PDE7B: variants seen among roughly 807,000 people sequenced by gnomAD.
PDE7B encodes 3',5'-cyclic-AMP phosphodiesterase 7B.
Under a neutral mutation model 56.2 loss-of-function variants are expected in PDE7B, and 29 were observed. That is an observed-to-expected ratio of 0.52 (90% CI 0.38 to 0.70). The LOEUF (loss-of-function observed/expected upper bound fraction) is 0.70. Among genes scored for constraint, PDE7B ranks in the 30% least tolerant of loss-of-function variants. PDE7B has a pLI of 0.00. For synonymous variants in PDE7B, 197 were observed against 196.9 expected (o/e 1.00, Z 0.00); for missense variants, 490 against 565.0 (o/e 0.87, Z 1.35).
chr6:135,945,055 A>G (rs923276694), intron 1 of PDE7B, among the ~76,000 whole-genome samples: 2 of 139,980 alleles, frequency 1.4e-5, no homozygotes, highest in Admixed American at 1.6e-4. Flanking sequence ...ATTTAAAAAT[A>G]TTAACACTTT....
intron 1 of PDE7B, among the ~76,000 whole-genome samples, chr6:135,928,469 TTATATATATATATTTATTTA>T (rs1774233143): frequency 1.2e-5 from 1 of 81,738 alleles, no homozygotes; most frequent in Non-Finnish European, 2.5e-5. Flanking sequence ...ATATATTTAT[TTATATATATATATTTATTTA>T]TATATATATA....
intron 2 of PDE7B, among the ~76,000 whole-genome samples, chr6:136,088,859 C>T (rs1210660859): frequency 1.3e-5 from 2 of 151,630 alleles, no homozygotes; most frequent in Admixed American, 6.6e-5. Flanking sequence ...ATAAAGCTGT[C>T]ATTTTAAAAT....
chr6:135,912,650 A>G (rs1178565634), intron 1 of PDE7B, among the ~76,000 whole-genome samples: 1 of 152,168 alleles, frequency 6.6e-6, no homozygotes, highest in Non-Finnish European at 1.5e-5. Context: ...GACATTCCAG[A>G]AAAGGAAAAT....
chr6:136,106,599 T>C (rs1291489717), intron 2 of PDE7B, among the ~76,000 whole-genome samples: 1 of 152,224 alleles, frequency 6.6e-6, no homozygotes, highest in African/African-American at 2.4e-5. Context: ...ACAGAGCGAA[T>C]AGTAGTCCTT....
rs186953576 is a variant in PDE7B at position 135,967,580 on chromosome 6, A to G, written c.82+20056A>G. ...GACCTTGGATCAGGCACAACAACCTATCTGCTCTCAGGCACCAAAAGCAGA... is the reference window on the plus strand; with the variant it reads ...GACCTTGGATCAGGCACAACAACCTGTCTGCTCTCAGGCACCAAAAGCAGA... On this transcript the variant is annotated intron_variant, in intron 2 of 12. Transcript: ENST00000308191. Among the ~76,000 whole-genome samples the G allele has an allele frequency of 8.5e-5, 13 of 152,274 alleles. No homozygotes were observed. The South Asian group carries it at 2.5e-3, about 29-fold the overall frequency.
At chr6:136,110,712 ATTT>A (rs10708902) in intron 3 of PDE7B, among the ~76,000 whole-genome samples, 143 of 126,806 alleles carry the variant, frequency 1.1e-3, no homozygotes, top group African/African-American at 3.7e-3. Context: ...ATTCTGCAAC[ATTT>A]TTTTTTTTTT....
At chr6:135,963,567 C>T (rs939323137) in intron 2 of PDE7B, among the ~76,000 whole-genome samples, 3 of 152,110 alleles carry the variant, frequency 2.0e-5, no homozygotes, top group Admixed American at 6.5e-5. Context: ...GTGTATAGAA[C>T]CTTAAGTGGT....
intron 2 of PDE7B, among the ~76,000 whole-genome samples, chr6:136,068,957 T>C (rs554260210): frequency 6.6e-6 from 1 of 152,332 alleles, no homozygotes; most frequent in South Asian, 2.1e-4. Context: ...TAGTATCTTA[T>C]TGCGACAAAG....
At chr6:135,880,485 G>C (rs1392174236) in intron 1 of PDE7B, among the ~76,000 whole-genome samples, 1 of 152,148 alleles carries the variant, frequency 6.6e-6, no homozygotes, top group African/African-American at 2.4e-5. Context: ...TGTATGTGTA[G>C]AACTAAGGAA....
intron 2 of PDE7B, among the ~76,000 whole-genome samples, chr6:136,059,112 A>C (rs532524004): frequency 6.6e-6 from 1 of 152,318 alleles, no homozygotes; most frequent in African/African-American, 2.4e-5. Context: ...GGTCTAACTA[A>C]CAGCAACTTT....
At chr6:135,946,722 A>G (rs979149944) in intron 1 of PDE7B, among the ~76,000 whole-genome samples, 1 of 152,032 alleles carries the variant, frequency 6.6e-6, no homozygotes, top group Non-Finnish European at 1.5e-5. Context: ...TTGCTTGCTC[A>G]TGTACTTTAT....
At chr6:135,989,114 T>A (rs1190862573) in intron 2 of PDE7B, among the ~76,000 whole-genome samples, 1 of 152,210 alleles carries the variant, frequency 6.6e-6, no homozygotes, top group Non-Finnish European at 1.5e-5. Context: ...TTCTGAAAAT[T>A]AAGTTCTATG....
chr6:136,171,496 C>T (rs1377818247), intron 8 of PDE7B, among the ~76,000 whole-genome samples: 5 of 152,118 alleles, frequency 3.3e-5, no homozygotes, highest in South Asian at 2.1e-4. Flanking sequence ...TTCTTATCAG[C>T]GTTGAGAAAT....
chr6:135,982,599 C>T (rs975483221), intron 2 of PDE7B, among the ~76,000 whole-genome samples: 5 of 152,112 alleles, frequency 3.3e-5, no homozygotes, highest in Admixed American at 3.3e-4. Context: ...ATATACATCA[C>T]CTGGTCATCT....
intron 2 of PDE7B, among the ~76,000 whole-genome samples, chr6:136,077,028 T>G (rs536019827): frequency 5.3e-5 from 8 of 151,628 alleles, no homozygotes; most frequent in African/African-American, 1.9e-4. Flanking sequence ...TTCTTTCTTC[T>G]TATGTACCCT....
Position 136,151,250 on chromosome 6 carries a change from T to C in PDE7B, c.473T>C (p.Phe158Ser). 1 of 1,559,156 alleles carries C rather than the reference T, an allele frequency of 6.4e-7. No homozygotes were observed. Among genetic ancestry groups the C allele is most frequent in the Non-Finnish European group, 8.8e-7 (1 of 1,130,212 alleles). The change falls in exon 6 of 13, where the codon TTT becomes TCT. Residue 158 changes from phenylalanine to serine, a missense_variant. Coordinates refer to ENST00000308191, the MANE Select transcript of PDE7B (RefSeq NM_018945.4). The part of the protein sequence containing the change: ...FKLDMVTLHR[F>S]LVMVQEDYHS... ...TTAGATATGGTGACCTTACACCGATTTTTAGGTAAGTCCTTTTTTTCACAT... is the reference window on the plus strand; with the variant it reads ...TTAGATATGGTGACCTTACACCGATCTTTAGGTAAGTCCTTTTTTTCACAT...
intron 8 of PDE7B, among the ~76,000 whole-genome samples, chr6:136,167,655 A>G (rs1778816859): frequency 6.6e-6 from 1 of 152,126 alleles, no homozygotes. Flanking sequence ...TACCATCTCT[A>G]CCACCACTAG....
intron 2 of PDE7B, among the ~76,000 whole-genome samples, chr6:136,097,739 C>G (rs1027560642): frequency 1.3e-5 from 2 of 152,064 alleles, no homozygotes; most frequent in African/African-American, 4.8e-5. Context: ...GCCTATCCTA[C>G]AAAGTACTAA....
intron 1 of PDE7B, among the ~76,000 whole-genome samples, chr6:135,914,779 G>A (rs1187781666): frequency 4.0e-5 from 2 of 50,470 alleles, no homozygotes; most frequent in African/African-American, 2.0e-4. Context: ...GTGAGCCACC[G>A]CGCCCGGCTA....
Sources: allele counts gnomAD v4.1 joint callset (sites outside exome capture counted in the v4.1 genomes callset), GRCh38; gene constraint gnomAD v4.1.1; transcripts MANE v1.5; gene names NCBI Gene and HGNC (gene_info 2026-07-23, HGNC 2026-07-21).